COL11A1: variants seen among roughly 807,000 people sequenced by gnomAD.
COL11A1 encodes collagen type XI alpha 1 chain.
COL11A1 carries 74 observed loss-of-function variants against 265.2 expected under a neutral mutation model. That is an observed-to-expected ratio of 0.28 (90% CI 0.23 to 0.34). The LOEUF (loss-of-function observed/expected upper bound fraction) is 0.34. Ranked by LOEUF, COL11A1 falls within the 10% of genes least tolerant of loss-of-function variation. The probability of loss-of-function intolerance (pLI) is 1.00; values close to 1 mark genes in which losing one functional copy is unlikely to be tolerated. For synonymous variants in COL11A1, 816 were observed against 727.6 expected (o/e 1.12, Z -1.96); for missense variants, 2,165 against 2,263.6 (o/e 0.96, Z 0.88).
rs779106317 is a variant in COL11A1, at chr1:102,883,225, T to C, written c.4945A>G (p.Ile1649Val). The change falls in exon 64 of 67, where the codon ATT becomes GTT. Residue 1649 changes from isoleucine to valine, a missense_variant. By Grantham distance (29) the Ile-to-Val change is conservative. Transcript: ENST00000370096. ...CCCTCAGATTTTTTGTCTGGATAAA[T>C]GCAAGTCTCACCACCAGATGTGAAA... ...CNFTSGGETCIYPDKKSEGVR... is the reference protein window; with the variant it reads ...CNFTSGGETCVYPDKKSEGVR... 1.9e-6 allele frequency: 3 copies of C among 1,613,196 alleles called. No individual in the cohort carries two copies. The highest frequency in any genetic ancestry group is 1.1e-5 in the South Asian group (1 of 91,060).
chr1:103,000,954 C>G (rs769510245), intron 24 of COL11A1: 2 of 384,778 alleles, frequency 5.2e-6, no homozygotes, highest in Non-Finnish European at 9.2e-6. Flanking sequence ...TATATGTATG[C>G]TACAGCATGG....
At chr1:103,036,330 A>G (rs1430131739) in intron 4 of COL11A1, among the ~76,000 whole-genome samples, 1 of 105,966 alleles carries the variant, frequency 9.4e-6, no homozygotes. Flanking sequence ...TCGTATATAT[A>G]TATATATATA....
chr1:102,890,564 T>G, intron 57 of COL11A1, 60 bp from the exon 58 acceptor site: 1 of 1,382,616 alleles, frequency 7.2e-7, no homozygotes, highest in Non-Finnish European at 9.9e-7. Flanking sequence ...AATTAGAGAA[T>G]CCTATAACTA....
chr1:103,088,717 A>T (rs2102355608), intron 1 of COL11A1, among the ~76,000 whole-genome samples: 1 of 152,316 alleles, frequency 6.6e-6, no homozygotes, highest in East Asian at 1.9e-4. Context: ...CTGAGTCCCT[A>T]GGGATAAATA....
chr1:102,917,210 T>C (rs1655437563), intron 49 of COL11A1, among the ~76,000 whole-genome samples: 1 of 151,806 alleles, frequency 6.6e-6, no homozygotes, highest in African/African-American at 2.4e-5. Context: ...AACTAATCTT[T>C]GACAAAGTTG....
chr1:103,069,937 C>A (rs1404435497), intron 4 of COL11A1, among the ~76,000 whole-genome samples: 1 of 151,722 alleles, frequency 6.6e-6, no homozygotes, highest in Non-Finnish European at 1.5e-5. Flanking sequence ...ATGACTGGAA[C>A]TCTCATACAC....
intron 4 of COL11A1, among the ~76,000 whole-genome samples, chr1:103,052,557 CT>C (rs1227036971): frequency 1.3e-5 from 2 of 152,068 alleles, no homozygotes; most frequent in African/African-American, 2.4e-5. Context: ...TAACACAAGT[CT>C]TTTATTACAA....
intron 4 of COL11A1, among the ~76,000 whole-genome samples, chr1:103,068,250 A>G (rs1671304509): frequency 6.6e-6 from 1 of 151,740 alleles, no homozygotes; most frequent in South Asian, 2.1e-4. Flanking sequence ...CTGCATGACT[A>G]CAGTGGAATC....
At chr1:102,919,026 G>T (rs947057634) in intron 49 of COL11A1, among the ~76,000 whole-genome samples, 1 of 152,032 alleles carries the variant, frequency 6.6e-6, no homozygotes, top group Non-Finnish European at 1.5e-5. Flanking sequence ...AAGAGGAAAA[G>T]GTGTGTGCCT....
At chr1:102,975,719 A>G (rs17447925) in intron 35 of COL11A1, among the ~76,000 whole-genome samples, 20,518 of 152,172 alleles carry the variant, frequency 0.13, 1,520 homozygotes, top group Middle Eastern at 0.19. Flanking sequence ...GAAAGATAAC[A>G]TAAGTAAAAT....
intron 4 of COL11A1, among the ~76,000 whole-genome samples, chr1:103,043,683 A>C (rs2102067342): frequency 6.6e-6 from 1 of 152,278 alleles, no homozygotes; most frequent in South Asian, 2.1e-4. Flanking sequence ...ACTGTAAAGT[A>C]TATACAAATA....
chr1:103,019,411 C>G (rs151112642), intron 9 of COL11A1, among the ~76,000 whole-genome samples: 1 of 152,072 alleles, frequency 6.6e-6, no homozygotes, highest in Non-Finnish European at 1.5e-5. Flanking sequence ...TGATTCCACT[C>G]CATCTTTGGA....
intron 36 of COL11A1, among the ~76,000 whole-genome samples, chr1:102,971,028 A>AACAAC: frequency 6.8e-6 from 1 of 146,618 alleles, no homozygotes; most frequent in Admixed American, 6.8e-5. Context: ...AAAACAAACA[A>AACAAC]AAAAAAACCA....
chr1:102,917,783 C>T (rs72983764), intron 49 of COL11A1, among the ~76,000 whole-genome samples: 3,091 of 151,724 alleles, frequency 0.02, 104 homozygotes, highest in African/African-American at 0.07. Flanking sequence ...TATGTGCTTT[C>T]TAATGATAAA....
chr1:102,991,943 T>G (rs1664180840), intron 28 of COL11A1, among the ~76,000 whole-genome samples: 1 of 151,848 alleles, frequency 6.6e-6, no homozygotes, highest in Non-Finnish European at 1.5e-5. Flanking sequence ...GAGCTGTAAA[T>G]GACCACTGAA....
At chr1:102,929,722 T>G (rs533730578) in intron 46 of COL11A1, among the ~76,000 whole-genome samples, 11,286 of 150,636 alleles carry the variant, frequency 0.075, 943 homozygotes, top group African/African-American at 0.2. Flanking sequence ...TCCTACCCAT[T>G]TGCATGGAAT....
intron 42 of COL11A1, among the ~76,000 whole-genome samples, chr1:102,942,214 C>G (rs1355958621): frequency 6.6e-6 from 1 of 152,078 alleles, no homozygotes; most frequent in East Asian, 1.9e-4. Flanking sequence ...CAGATAGTTC[C>G]CCTTAATTTG....
intron 46 of COL11A1, among the ~76,000 whole-genome samples, chr1:102,929,203 C>G (rs36177555): frequency 3.1e-5 from 4 of 128,330 alleles, no homozygotes; most frequent in Admixed American, 8.3e-5. Context: ...TAGGTTTTCT[C>G]CTAGGGTTTT....
chr1:102,987,719 G>A lies in COL11A1; in HGVS notation c.2416C>T (p.Pro806Ser). ...CCTTCAGGGCCATCTTCCCCTCTTGGGCCAATTTGACCAACTTCTCCCTGA... is the reference window on the plus strand; with the variant it reads ...CCTTCAGGGCCATCTTCCCCTCTTGAGCCAATTTGACCAACTTCTCCCTGA... ...GDRGEVGQIG[P>S]RGEDGPEGPK... is the part of the protein sequence containing the mutation. Residue 806 changes from proline (P) to serine (S), a missense_variant, in exon 30 of 67, where the codon CCA becomes TCA. Pro to Ser is a moderately conservative substitution (Grantham distance 74). Transcript: ENST00000370096. 2.5e-6 allele frequency: 4 copies of A among 1,613,292 alleles called. No homozygotes were observed. The highest frequency in any genetic ancestry group is 3.4e-6 in the Non-Finnish European group (4 of 1,179,662).
Sources: gnomAD v4.1 joint callset for allele counts (sites outside exome capture counted in the v4.1 genomes callset) on GRCh38, gnomAD v4.1.1 for gene constraint, MANE v1.5 for transcripts, NCBI Gene and HGNC (gene_info 2026-07-23, HGNC 2026-07-21) for gene names.